Variants in SLC14A2 observed in about 807,000 individuals in gnomAD.
The protein encoded by SLC14A2 is urea transporter 2.
A neutral mutation model predicts 104.6 loss-of-function variants in SLC14A2; 91 were observed. The observed-to-expected ratio is 0.87, with a 90% CI of 0.73 to 1.04. The LOEUF (loss-of-function observed/expected upper bound fraction) is 1.04, where lower values mean the gene tolerates loss of function less well. SLC14A2 is among the 50% of genes least tolerant of loss of function. SLC14A2 has a pLI of 0.00. For synonymous variants in SLC14A2, 476 were observed against 466.4 expected (o/e 1.02, Z -0.27); for missense variants, 1,189 against 1,156.0 (o/e 1.03, Z -0.41).
At chr18:45,350,046 A>C (rs2085486978) in intron 1 of SLC14A2, among the ~76,000 whole-genome samples, 1 of 152,250 alleles carries the variant, frequency 6.6e-6, no homozygotes, top group Admixed American at 6.5e-5. Context: ...AGACAAAAGC[A>C]AAATAATTAC....
At chr18:45,215,980 A>G (rs951007526) in intron 1 of SLC14A2, among the ~76,000 whole-genome samples, 10 of 152,230 alleles carry the variant, frequency 6.6e-5, no homozygotes, top group Non-Finnish European at 1.0e-4. Context: ...AGTACATAAC[A>G]TGAAACATTC....
chr18:45,633,386 T>TG (rs780829615), intron 5 of SLC14A2, among the ~76,000 whole-genome samples: 8 of 152,248 alleles, frequency 5.3e-5, no homozygotes, highest in Non-Finnish European at 1.2e-4. Context: ...ACCTTTGAAC[T>TG]GGAAGTATCG....
At chr18:45,312,854 C>A (rs1006457198) in intron 1 of SLC14A2, among the ~76,000 whole-genome samples, 12 of 152,234 alleles carry the variant, frequency 7.9e-5, no homozygotes, top group Non-Finnish European at 1.6e-4. Context: ...AGCTTCGCAT[C>A]CCAGAGTTGC....
intron 1 of SLC14A2, among the ~76,000 whole-genome samples, chr18:45,417,423 A>G (rs935907760): frequency 7.2e-5 from 11 of 152,246 alleles, no homozygotes; most frequent in African/African-American, 2.7e-4. Context: ...ACAGTTCTGC[A>G]TGGCTTAGGA....
intron 2 of SLC14A2, among the ~76,000 whole-genome samples, chr18:45,559,920 A>G (rs2044180175): frequency 6.6e-6 from 1 of 152,208 alleles, no homozygotes; most frequent in African/African-American, 2.4e-5. Flanking sequence ...AGAATGTTTG[A>G]CCCAAGGTGT....
chr18:45,337,895 G>A (rs931315927), intron 1 of SLC14A2, among the ~76,000 whole-genome samples: 1 of 152,188 alleles, frequency 6.6e-6, no homozygotes, highest in Non-Finnish European at 1.5e-5. Flanking sequence ...CAATAATGCA[G>A]CCAGGCTTTT....
intron 1 of SLC14A2, among the ~76,000 whole-genome samples, chr18:45,382,592 A>G (rs2144386297): frequency 6.6e-6 from 1 of 152,344 alleles, no homozygotes; most frequent in Non-Finnish European, 1.5e-5. Context: ...CCTGAATTAT[A>G]GAAAAGAATT....
chr18:45,645,567 TTTTG>T (rs2045604142), intron 10 of SLC14A2, among the ~76,000 whole-genome samples: 1 of 64,596 alleles, frequency 1.5e-5, no homozygotes, highest in Admixed American at 1.8e-4. Context: ...AATTTCATAA[TTTTG>T]TTTCTCAACT....
chr18:45,562,324 T>G (rs2044211783), intron 2 of SLC14A2, among the ~76,000 whole-genome samples: 1 of 152,190 alleles, frequency 6.6e-6, no homozygotes, highest in Non-Finnish European at 1.5e-5. Context: ...AGAGAAGAGC[T>G]GAAGGTAGAC....
intron 1 of SLC14A2, among the ~76,000 whole-genome samples, chr18:45,449,129 C>T (rs1377141986): frequency 1.3e-5 from 2 of 152,228 alleles, no homozygotes; most frequent in East Asian, 3.8e-4. Context: ...AAGCCCATTC[C>T]AGGCAGGCCA....
intron 1 of SLC14A2, among the ~76,000 whole-genome samples, chr18:45,310,217 C>G (rs995872043): frequency 2.0e-5 from 3 of 152,172 alleles, no homozygotes; most frequent in Admixed American, 6.5e-5. Flanking sequence ...AAAAGTAAAA[C>G]TGCAAGGTCA....
chr18:45,195,735 T>C, the SLC14A2 span, among the ~76,000 whole-genome samples: 1 of 152,152 alleles, frequency 6.6e-6, no homozygotes, highest in Non-Finnish European at 1.5e-5. Context: ...GTAACTTCTA[T>C]ATCAGAGTCG....
intron 1 of SLC14A2, among the ~76,000 whole-genome samples, chr18:45,618,888 C>A (rs2045118739): frequency 6.6e-6 from 1 of 152,078 alleles, no homozygotes; most frequent in Non-Finnish European, 1.5e-5. Flanking sequence ...ATAGGCACAG[C>A]CCCTCTTCAC....
intron 1 of SLC14A2, among the ~76,000 whole-genome samples, chr18:45,319,721 C>A (rs970934903): frequency 1.3e-5 from 2 of 152,230 alleles, no homozygotes; most frequent in Non-Finnish European, 2.9e-5. Context: ...CCCCTCCCAA[C>A]ATACTTGATC....
intron 1 of SLC14A2, among the ~76,000 whole-genome samples, chr18:45,391,343 A>G (rs6507612): frequency 1 from 152,276 of 152,320 alleles, 76,116 homozygotes; most frequent in Non-Finnish European, 1. Flanking sequence ...CATTTGGCTT[A>G]GTTCCAAGTC....
At chr18:45,221,515 G>A (rs1213247576) in intron 1 of SLC14A2, among the ~76,000 whole-genome samples, 1 of 152,086 alleles carries the variant, frequency 6.6e-6, no homozygotes, top group African/African-American at 2.4e-5. Context: ...GGGGAGGCAG[G>A]GTGTAATCAA....
At chr18:45,439,995 A>G (rs544113045) in intron 1 of SLC14A2, among the ~76,000 whole-genome samples, 12 of 152,256 alleles carry the variant, frequency 7.9e-5, no homozygotes, top group Non-Finnish European at 1.8e-4. Context: ...GGTTTAACTG[A>G]GTGTTTCCCT....
At chr18:45,483,919 A>G (rs2087545210) in intron 2 of SLC14A2, among the ~76,000 whole-genome samples, 1 of 151,864 alleles carries the variant, frequency 6.6e-6, no homozygotes, top group Admixed American at 6.6e-5. Context: ...CGCTGGCATC[A>G]GTGGGGGAGG....
intron 1 of SLC14A2, among the ~76,000 whole-genome samples, chr18:45,317,272 G>A (rs2085139016): frequency 1.3e-5 from 2 of 152,170 alleles, no homozygotes; most frequent in African/African-American, 4.8e-5. Flanking sequence ...GACATGGGGT[G>A]CACACACGCA....
Sources: allele counts gnomAD v4.1 joint callset (sites outside exome capture counted in the v4.1 genomes callset), GRCh38; gene constraint gnomAD v4.1.1; transcripts MANE v1.5; gene names NCBI Gene and HGNC (gene_info 2026-07-23, HGNC 2026-07-21).